Variants in JAZF1 observed in about 807,000 individuals in gnomAD.
The protein encoded by JAZF1 is juxtaposed with another zinc finger protein 1.
A neutral mutation model predicts 26.4 loss-of-function variants in JAZF1; 8 were observed. The observed-to-expected ratio is 0.30, with a 90% CI of 0.18 to 0.55. JAZF1 has a LOEUF of 0.55. Among genes scored for constraint, JAZF1 ranks in the 20% least tolerant of loss-of-function variants. JAZF1 has a pLI of 0.94. For missense variants in JAZF1, 199 were observed against 322.0 expected (o/e 0.62, Z 2.92); for synonymous variants, 126 against 122.3 (o/e 1.03, Z -0.20).
At chr7:27,974,887 GTT>G (rs11351713) in intron 2 of JAZF1, among the ~76,000 whole-genome samples, 44 of 138,488 alleles carry the variant, frequency 3.2e-4, no homozygotes, top group Non-Finnish European at 2.7e-4. Flanking sequence ...GCCTTAGGGA[GTT>G]TTTTTTTTTT....
intron 3 of JAZF1, among the ~76,000 whole-genome samples, chr7:27,883,274 C>G (rs555303570): frequency 6.6e-6 from 1 of 152,280 alleles, no homozygotes; most frequent in Admixed American, 6.5e-5. Flanking sequence ...CAGCTAGGAC[C>G]TAGGACCAAT....
Position 27,831,633 on chromosome 7 carries a change from T to TATAAAGCTAAACAGACATTTCC in JAZF1, c.*1145_*1166dup, listed in dbSNP as rs1782702328. On this transcript the variant is annotated 3_prime_UTR_variant, in exon 5 of 5. Transcript: ENST00000283928. ...TCCTATTTCAGCAAAGTGTTTGTTT[T>TATAAAGCTAAACAGACATTTCC]ATAAAGCTAAACAGACATTTCCAAT... The TATAAAGCTAAACAGACATTTCC allele has an allele frequency of 8.8e-6, 2 of 226,044 alleles. No individual in the cohort carries two copies. The highest frequency in any genetic ancestry group is 1.3e-4 in the East Asian group (2 of 15,618). 14.0% of individuals were successfully genotyped at this position (226,044 alleles called of 1,614,324 possible). A position where few individuals can be genotyped will look rare whatever the true frequency, so the allele number is the denominator to read the frequency against.
rs760242333 is a variant in JAZF1 at position 27,895,238 on chromosome 7, G to T, written c.367C>A (p.Arg123Ser). The T allele has an allele frequency of 2.5e-6, 4 of 1,602,832 alleles. No individual in the cohort carries two copies. The highest frequency in any genetic ancestry group is 1.1e-5 in the South Asian group (1 of 89,320). Residue 123 changes from arginine to serine, a missense_variant, in exon 3 of 5, where the codon CGC becomes AGC. By Grantham distance (110) the Arg-to-Ser change is moderately radical (BLOSUM62 -1). This residue lies in a region of JAZF1 where 137 missense variants were observed against 184.8 expected (regional missense o/e 0.74). Coordinates refer to ENST00000283928, the MANE Select transcript of JAZF1 (RefSeq NM_175061.4). ...CACTCACCTGTCGGAGTGCTGCTGC[G>T]GAATGAAGAGGAGGGGGTGATGGGT... ...TPPITPSSSF[R>S]SSTPTGSEYD...
At chr7:27,842,622 G>C (rs1349057383) in intron 3 of JAZF1, 2 of 152,198 alleles carry the variant, frequency 1.3e-5, no homozygotes, top group African/African-American at 4.8e-5. Flanking sequence ...CTTGTACCAA[G>C]TGACACAGTG....
intron 1 of JAZF1, among the ~76,000 whole-genome samples, chr7:28,006,160 G>A (rs945175257): frequency 2.0e-5 from 3 of 152,014 alleles, no homozygotes; most frequent in Non-Finnish European, 4.4e-5. Context: ...CACTTTGGGA[G>A]GCAGAGGCAG....
chr7:28,110,391 A>C (rs985159697), intron 1 of JAZF1, among the ~76,000 whole-genome samples: 1 of 150,682 alleles, frequency 6.6e-6, no homozygotes, highest in Non-Finnish European at 1.5e-5. Flanking sequence ...ACGCCATTGC[A>C]CTCCAGCCTG....
intron 1 of JAZF1, among the ~76,000 whole-genome samples, chr7:27,998,051 AAGGAAGGAAGGAAGGAAGGAAGGC>A (rs1786053968): frequency 7.0e-6 from 1 of 141,900 alleles, no homozygotes; most frequent in Non-Finnish European, 1.5e-5. Flanking sequence ...GGAAGGAAGG[AAGGAAGGAAGGAAGGAAGGAAGGC>A]AGGCAGGCAG....
At position 28,106,397 on chromosome 7, in the gene JAZF1, C is replaced by T. The variant is rs536955201; in HGVS notation, c.115+74066G>A. 1.1e-4 allele frequency among the ~76,000 whole-genome samples: 17 copies of T among 152,294 alleles called. No individual in the cohort carries two copies. In the East Asian group the frequency reaches 1.2e-3, roughly 10 times the overall value. On this transcript the variant is annotated intron_variant, in intron 1 of 4. Transcript: ENST00000283928. Reference sequence around the variant, plus strand: ...ATGCACCTGGCTTGCTGAGCAGCAACGTCCCAATTACCACATGTCATCATT... The same window carrying T: ...ATGCACCTGGCTTGCTGAGCAGCAATGTCCCAATTACCACATGTCATCATT...
intron 1 of JAZF1, among the ~76,000 whole-genome samples, chr7:28,063,603 T>A (rs1348536844): frequency 6.6e-6 from 1 of 152,184 alleles, no homozygotes; most frequent in African/African-American, 2.4e-5. Flanking sequence ...AAGAATAGTT[T>A]CATATCACAT....
intron 3 of JAZF1, among the ~76,000 whole-genome samples, chr7:27,881,484 T>A (rs1324615779): frequency 6.6e-6 from 1 of 152,212 alleles, no homozygotes; most frequent in Non-Finnish European, 1.5e-5. Flanking sequence ...TGAAATACCA[T>A]TCATAGCATC....
At chr7:27,976,903 G>A (rs772037042) in intron 2 of JAZF1, among the ~76,000 whole-genome samples, 5 of 152,102 alleles carry the variant, frequency 3.3e-5, no homozygotes, top group Non-Finnish European at 5.9e-5. Context: ...TTTTGGAGTG[G>A]GAAGAAATGT....
intron 1 of JAZF1, among the ~76,000 whole-genome samples, chr7:28,062,191 C>T (rs1239446032): frequency 6.6e-6 from 1 of 152,174 alleles, no homozygotes; most frequent in Non-Finnish European, 1.5e-5. Context: ...ACTCCAAATA[C>T]ACCCCTTAAT....
At chr7:27,913,423 G>A (rs769412560) in intron 2 of JAZF1, 15 of 454,716 alleles carry the variant, frequency 3.3e-5, no homozygotes, top group South Asian at 2.2e-4. Flanking sequence ...GAGAAGGGAG[G>A]TCTTCTCTAG....
intron 2 of JAZF1, among the ~76,000 whole-genome samples, chr7:27,952,198 G>A (rs1334547349): frequency 6.6e-6 from 1 of 152,156 alleles, no homozygotes; most frequent in Non-Finnish European, 1.5e-5. Context: ...GTTCACAAAT[G>A]GAAAAACTTA....
intron 1 of JAZF1, among the ~76,000 whole-genome samples, chr7:28,046,627 G>A (rs562121005): frequency 3.7e-4 from 57 of 152,252 alleles, no homozygotes; most frequent in African/African-American, 1.1e-3. Context: ...TTCCAAGAGC[G>A]TCCTTTCTGA....
intron 2 of JAZF1, among the ~76,000 whole-genome samples, chr7:27,961,850 GA>G (rs1473504007): frequency 4.6e-5 from 7 of 152,268 alleles, no homozygotes; most frequent in Admixed American, 4.6e-4. Flanking sequence ...AGGGATTCAT[GA>G]TGCTCTCCGG....
intron 1 of JAZF1, among the ~76,000 whole-genome samples, chr7:28,098,242 G>A (rs1784415865): frequency 6.6e-6 from 1 of 152,074 alleles, no homozygotes; most frequent in Non-Finnish European, 1.5e-5. Flanking sequence ...GACGTAGCGA[G>A]AAGACAGCTA....
intron 2 of JAZF1, among the ~76,000 whole-genome samples, chr7:27,912,818 AACAG>A (rs1583460731): frequency 6.6e-6 from 1 of 152,090 alleles, no homozygotes. Flanking sequence ...AAAGTGCACA[AACAG>A]AAGGCCAGAG....
intron 1 of JAZF1, among the ~76,000 whole-genome samples, chr7:28,069,176 A>T (rs2127909232): frequency 6.6e-6 from 1 of 152,254 alleles, no homozygotes; most frequent in East Asian, 1.9e-4. Flanking sequence ...GGCAGAGCAG[A>T]GAGCAGAGCC....
Sources: gnomAD v4.1 joint callset for allele counts (sites outside exome capture counted in the v4.1 genomes callset) on GRCh38, gnomAD v4.1.1 for gene constraint, gnomAD v4.1.1 regional missense constraint, MANE v1.5 for transcripts, NCBI Gene and HGNC (gene_info 2026-07-23, HGNC 2026-07-21) for gene names.